The following DLG2 variants were observed in gnomAD, a reference collection of about 807,000 sequenced individuals.
The protein encoded by DLG2 is discs large MAGUK scaffold protein 2, also known as disks large homolog 2.
Under a neutral mutation model 132.5 loss-of-function variants are expected in DLG2, and 45 were observed. The ratio of observed to expected loss-of-function variants is 0.34; its 90% CI spans 0.27 to 0.44. The LOEUF (loss-of-function observed/expected upper bound fraction) is 0.44, where lower values mean the gene tolerates loss of function less well. DLG2 is among the 20% of genes least tolerant of loss of function. The pLI is 1.00. For missense variants in DLG2, 1,045 were observed against 1,196.9 expected, an observed-to-expected ratio of 0.87 and a Z score of 1.87; for synonymous variants, 424 against 419.6, an observed-to-expected ratio of 1.01 and a Z score of -0.13.
chr11:84,233,969 G>GACAGC (rs2097127597), intron 8 of DLG2, among the ~76,000 whole-genome samples: 1 of 152,180 alleles, frequency 6.6e-6, no homozygotes. Context: ...TTCCTGACAA[G>GACAGC]ATCTTAGGAG....
chr11:83,735,588 C>T (rs1006497473), intron 18 of DLG2, among the ~76,000 whole-genome samples: 2 of 152,138 alleles, frequency 1.3e-5, no homozygotes, highest in Admixed American at 6.5e-5. Context: ...ATATTTTGGC[C>T]TAATATTTTG....
intron 7 of DLG2, among the ~76,000 whole-genome samples, chr11:84,381,235 T>C (rs2098748228): frequency 6.6e-6 from 1 of 152,028 alleles, no homozygotes; most frequent in Non-Finnish European, 1.5e-5. Flanking sequence ...ATAAAAAGTT[T>C]TAAAATATTC....
intron 6 of DLG2, among the ~76,000 whole-genome samples, chr11:84,594,544 A>T (rs1379755367): frequency 2.6e-5 from 4 of 152,238 alleles, no homozygotes; most frequent in African/African-American, 4.8e-5. Flanking sequence ...ACAACAATGA[A>T]AGAACAAAGT....
At chr11:83,657,918 A>T (rs937636393) in intron 18 of DLG2, among the ~76,000 whole-genome samples, 3 of 152,212 alleles carry the variant, frequency 2.0e-5, no homozygotes, top group Admixed American at 6.5e-5. Flanking sequence ...TATAAAAAAT[A>T]GACTCAGATT....
At chr11:84,556,696 C>CTCCCACA (rs1225366916) in intron 6 of DLG2, among the ~76,000 whole-genome samples, 2 of 152,150 alleles carry the variant, frequency 1.3e-5, no homozygotes, top group Non-Finnish European at 2.9e-5. Context: ...ACATGTAGTA[C>CTCCCACA]TCCCACACTC....
chr11:83,607,556 C>T (rs1246320067), intron 19 of DLG2, among the ~76,000 whole-genome samples: 1 of 152,192 alleles, frequency 6.6e-6, no homozygotes, highest in Non-Finnish European at 1.5e-5. Flanking sequence ...CTACTATTAG[C>T]AAATGGTTTA....
intron 18 of DLG2, among the ~76,000 whole-genome samples, chr11:83,645,141 T>C (rs2067775635): frequency 6.6e-6 from 1 of 152,128 alleles, no homozygotes; most frequent in Non-Finnish European, 1.5e-5. Context: ...TAATTCAGTG[T>C]GGCCCATGAG....
intron 6 of DLG2, among the ~76,000 whole-genome samples, chr11:85,102,590 T>C (rs1336235413): frequency 6.6e-6 from 1 of 151,948 alleles, no homozygotes; most frequent in African/African-American, 2.4e-5. Context: ...AAAATTCCCC[T>C]TTCATAATAA....
chr11:85,006,013 T>G (rs1416382618), intron 6 of DLG2, among the ~76,000 whole-genome samples: 1 of 152,220 alleles, frequency 6.6e-6, no homozygotes, highest in African/African-American at 2.4e-5. Context: ...TCTGTTTATG[T>G]GATGGACTAC....
At chr11:84,086,993 T>G (rs915524687) in intron 10 of DLG2, among the ~76,000 whole-genome samples, 8 of 152,218 alleles carry the variant, frequency 5.3e-5, no homozygotes, top group African/African-American at 1.9e-4. Flanking sequence ...CTGTCAGTAC[T>G]TTATTCCTTT....
intron 4 of DLG2, among the ~76,000 whole-genome samples, chr11:85,197,444 C>A (rs2081154375): frequency 6.6e-6 from 1 of 152,078 alleles, no homozygotes; most frequent in East Asian, 1.9e-4. Flanking sequence ...TAGACTCACA[C>A]CAAGAACCAT....
At chr11:83,525,150 C>T (rs1356703817) in intron 21 of DLG2, among the ~76,000 whole-genome samples, 3 of 152,160 alleles carry the variant, frequency 2.0e-5, no homozygotes, top group East Asian at 3.8e-4. Flanking sequence ...TGAACTTTTT[C>T]ATCCCAAAAT....
chr11:83,793,794 T>A (rs1400450394), intron 17 of DLG2, among the ~76,000 whole-genome samples: 1 of 152,244 alleles, frequency 6.6e-6, no homozygotes, highest in African/African-American at 2.4e-5. Context: ...ATTATTGTTT[T>A]AGCATTTCTT....
At chr11:84,172,226 A>G (rs1408147662) in intron 8 of DLG2, among the ~76,000 whole-genome samples, 1 of 152,222 alleles carries the variant, frequency 6.6e-6, no homozygotes, top group Non-Finnish European at 1.5e-5. Flanking sequence ...TGAAGTTATA[A>G]TAAGACTGGT....
chr11:85,034,883 A>G (rs749770630), intron 6 of DLG2, among the ~76,000 whole-genome samples: 2 of 151,992 alleles, frequency 1.3e-5, no homozygotes, highest in African/African-American at 4.8e-5. Flanking sequence ...TTTCCTGCTT[A>G]TTATCATTGG....
At chr11:84,964,975 T>C (rs986543080) in intron 6 of DLG2, among the ~76,000 whole-genome samples, 62 of 152,256 alleles carry the variant, frequency 4.1e-4, no homozygotes, top group African/African-American at 1.5e-3. Flanking sequence ...ATCCATGTCC[T>C]CAGCTGGCCA....
intron 3 of DLG2, among the ~76,000 whole-genome samples, chr11:85,486,411 C>T (rs533370422): frequency 9.2e-5 from 14 of 152,348 alleles, no homozygotes; most frequent in Non-Finnish European, 1.8e-4. Flanking sequence ...AATCACCCTG[C>T]CTCTGCCTAT....
chr11:83,714,241 A>T (rs982957089), intron 18 of DLG2, among the ~76,000 whole-genome samples: 1 of 148,968 alleles, frequency 6.7e-6, no homozygotes, highest in African/African-American at 2.4e-5. Context: ...AGGGGAAACA[A>T]TTGAGGAAGA....
chr11:84,944,312 A>C (rs939356523), intron 6 of DLG2, among the ~76,000 whole-genome samples: 2 of 152,098 alleles, frequency 1.3e-5, no homozygotes, highest in Non-Finnish European at 2.9e-5. Context: ...CCTTCAAATA[A>C]ACTTTCTACC....
Sources: gnomAD v4.1 joint callset for allele counts (sites outside exome capture counted in the v4.1 genomes callset) on GRCh38, gnomAD v4.1.1 for gene constraint, MANE v1.5 for transcripts, NCBI Gene and HGNC (gene_info 2026-07-23, HGNC 2026-07-21) for gene names.